The following TRDN variants were observed in gnomAD, a reference collection of about 807,000 sequenced individuals.
The protein encoded by TRDN is triadin in skeletal muscle.
TRDN carries 161 observed loss-of-function variants against 149.7 expected under a neutral mutation model. The observed-to-expected ratio is 1.08, with a 90% CI of 0.95 to 1.23. The LOEUF (loss-of-function observed/expected upper bound fraction) is 1.23, where lower values mean the gene tolerates loss of function less well. Ranked by LOEUF, TRDN falls within the 50% of genes most tolerant of loss-of-function variation. The pLI is 0.00. For missense variants in TRDN, 896 were observed against 823.5 expected, an observed-to-expected ratio of 1.09 and a Z score of -1.08; for synonymous variants, 294 against 250.5, an observed-to-expected ratio of 1.17 and a Z score of -1.64.
At chr6:123,387,241 T>C (rs375435240) in intron 14 of TRDN, among the ~76,000 whole-genome samples, 4 of 152,186 alleles carry the variant, frequency 2.6e-5, no homozygotes, top group African/African-American at 7.2e-5. Flanking sequence ...CAAACAGCTT[T>C]TATTTACGTA....
chr6:123,397,046 T>C (rs1432169277), intron 12 of TRDN, among the ~76,000 whole-genome samples: 2 of 126,416 alleles, frequency 1.6e-5, no homozygotes, highest in East Asian at 5.2e-4. Context: ...CTCCCATCTC[T>C]GAAAAAAAAA....
chr6:123,521,648 A>G (rs1298348428), intron 5 of TRDN, among the ~76,000 whole-genome samples: 2 of 152,140 alleles, frequency 1.3e-5, no homozygotes, highest in Non-Finnish European at 2.9e-5. Context: ...AGTAATAATT[A>G]GACTTCTGTT....
At chr6:123,565,880 A>C (rs2114517677) in intron 2 of TRDN, among the ~76,000 whole-genome samples, 1 of 152,324 alleles carries the variant, frequency 6.6e-6, no homozygotes. Flanking sequence ...GAGACAAACA[A>C]GTCTTCCACT....
chr6:123,507,480 C>G (rs1778982887), intron 7 of TRDN, among the ~76,000 whole-genome samples: 1 of 151,908 alleles, frequency 6.6e-6, no homozygotes. Context: ...ATAACTTTGC[C>G]TCATAGTAGA....
At chr6:123,225,411 ATCCAGCAATT>A (rs1775316834) in intron 38 of TRDN, among the ~76,000 whole-genome samples, 1 of 151,748 alleles carries the variant, frequency 6.6e-6, no homozygotes. Context: ...CTACCATATG[ATCCAGCAATT>A]TCACTTCTGG....
chr6:123,263,615 T>C (rs1281344167), intron 33 of TRDN, among the ~76,000 whole-genome samples: 1 of 151,862 alleles, frequency 6.6e-6, no homozygotes, highest in African/African-American at 2.4e-5. Context: ...GGTGACAGAG[T>C]GAGACCCTGT....
chr6:123,472,597 G>C (rs1244597845), intron 9 of TRDN, among the ~76,000 whole-genome samples: 1 of 152,238 alleles, frequency 6.6e-6, no homozygotes, highest in Admixed American at 6.5e-5. Flanking sequence ...AAGGAGGCCT[G>C]ACTGCCTCTG....
rs776843582 is a variant in TRDN at position 123,352,603 on chromosome 6, A to T, written c.1322-17T>A. On this transcript the variant is annotated splice_polypyrimidine_tract_variant and intron_variant, in intron 20 of 40. Coordinates refer to ENST00000334268, the MANE Select transcript of TRDN (RefSeq NM_006073.4). Reference sequence around the variant, plus strand: ...CAGGTACAGCTGCAAAACAAAGATAAGGTTTAAAGAAGAGTTCCAGACAGA... The same window carrying T: ...CAGGTACAGCTGCAAAACAAAGATATGGTTTAAAGAAGAGTTCCAGACAGA... The T allele has an allele frequency of 2.5e-6, 4 of 1,606,542 alleles. No individual in the cohort carries two copies. The highest frequency in any genetic ancestry group is 3.4e-6 in the Non-Finnish European group (4 of 1,176,854).
intron 4 of TRDN, among the ~76,000 whole-genome samples, chr6:123,532,868 G>C (rs986748179): frequency 4.0e-5 from 6 of 151,652 alleles, no homozygotes; most frequent in African/African-American, 1.5e-4. Flanking sequence ...ATCCCAGGGG[G>C]AGCAAAGGAC....
intron 38 of TRDN, among the ~76,000 whole-genome samples, chr6:123,231,311 T>A (rs1453916595): frequency 1.3e-5 from 2 of 152,016 alleles, no homozygotes; most frequent in African/African-American, 2.4e-5. Flanking sequence ...AACTGCGAGG[T>A]AGTTTCAAGA....
At chr6:123,438,851 G>T in intron 11 of TRDN, 93 bp downstream of exon 11, 1 of 968,308 alleles carries the variant, frequency 1.0e-6, no homozygotes, top group Non-Finnish European at 1.5e-6. Flanking sequence ...ATTTATTAAG[G>T]GAATTTCTTT....
At chr6:123,317,061 T>C (rs551659519) in intron 23 of TRDN, among the ~76,000 whole-genome samples, 4 of 151,966 alleles carry the variant, frequency 2.6e-5, no homozygotes, top group Admixed American at 6.6e-5. Context: ...CTTATTGTCC[T>C]AGGACAATGT....
At chr6:123,350,306 T>C (rs1185235218) in intron 21 of TRDN, 3 of 951,354 alleles carry the variant, frequency 3.2e-6, no homozygotes, top group Non-Finnish European at 3.8e-6. Context: ...TCCATAGTAT[T>C]TAAGTCCAGA....
Position 123,218,496 on chromosome 6 carries a change from C to T in TRDN, c.*105G>A. 1 of 1,377,088 alleles carries T rather than the reference C, an allele frequency of 7.3e-7. No homozygotes were observed. Among genetic ancestry groups the T allele is most frequent in the Non-Finnish European group, 9.7e-7 (1 of 1,025,982 alleles). The allele number at this position is 1,377,088 out of a possible 1,614,324, so 85.3% of individuals were successfully genotyped here. A position where few individuals can be genotyped will look rare whatever the true frequency, so the allele number is the denominator to read the frequency against. ...ACCAGGCCAAAGAGCAAAATGTTTT[C>T]ACAGAAATTCTCTGGGTTGCATATT... is the stretch of plus-strand genomic sequence containing the variant. On this transcript the variant is annotated 3_prime_UTR_variant, in exon 41 of 41. Transcript: ENST00000334268.
chr6:123,432,301 C>G (rs528069935), intron 12 of TRDN, among the ~76,000 whole-genome samples: 1 of 152,050 alleles, frequency 6.6e-6, no homozygotes, highest in African/African-American at 2.4e-5. Flanking sequence ...AGTTTTATCA[C>G]CAGAGCCACC....
intron 1 of TRDN, among the ~76,000 whole-genome samples, chr6:123,590,484 G>A (rs1783724205): frequency 6.6e-6 from 1 of 152,014 alleles, no homozygotes; most frequent in Non-Finnish European, 1.5e-5. Context: ...TAGAAACAGG[G>A]CCAGTCGCTG....
intron 12 of TRDN, chr6:123,418,475 C>T (rs1236832761): frequency 6.6e-6 from 1 of 152,076 alleles, no homozygotes; most frequent in Non-Finnish European, 1.5e-5. Context: ...CCTGCTCCAA[C>T]ATAGGCAATG....
Position 123,399,411 on chromosome 6 carries a change from AC to A in TRDN, c.1052-5735del, listed in dbSNP as rs1219235404. ...TTAATTTAAATGATTAGCAGAAGAA[AC>A]TTTTTTTAACATAAAGGAAAGTTAT... On this transcript the variant is annotated intron_variant, in intron 12 of 40. Transcript: ENST00000334268. Among the ~76,000 whole-genome samples the A allele has an allele frequency of 9.8e-5, 15 of 152,288 alleles. No homozygotes were observed. The East Asian group carries it at 2.9e-3, about 29-fold the overall frequency.
chr6:123,563,510 AT>A lies in TRDN; in HGVS notation c.232+7412del, dbSNP rs141309719. Among the ~76,000 whole-genome samples the A allele has an allele frequency of 4.9e-3, 745 of 152,332 alleles. 7 individuals are homozygous for A. The highest frequency in any genetic ancestry group is 0.016 in the African/African-American group (676 of 41,588). On this transcript the variant is annotated intron_variant, in intron 2 of 40. Transcript: ENST00000334268. ...AAAGCCCATGTTAAATATAAACAAG[AT>A]TTGAATCTATGCGTATAATAAGAAA...
Sources: gnomAD v4.1 joint callset for allele counts (sites outside exome capture counted in the v4.1 genomes callset) on GRCh38, gnomAD v4.1.1 for gene constraint, MANE v1.5 for transcripts, NCBI Gene and HGNC (gene_info 2026-07-23, HGNC 2026-07-21) for gene names.